Variants in SGPL1 observed in about 807,000 individuals in gnomAD.
The protein encoded by SGPL1 is SP-lyase 1.
SGPL1 carries 37 observed loss-of-function variants against 68.9 expected under a neutral mutation model. That is an observed-to-expected ratio of 0.54 (90% confidence interval 0.41 to 0.71). SGPL1 has a LOEUF of 0.71. SGPL1 is among the 30% of genes least tolerant of loss of function. The probability of loss-of-function intolerance (pLI) is 0.00; values close to 1 mark genes in which losing one functional copy is unlikely to be tolerated. For missense variants in SGPL1, 551 were observed against 704.6 expected, an observed-to-expected ratio of 0.78 and a Z score of 2.47; for synonymous variants, 236 against 248.5, an observed-to-expected ratio of 0.95 and a Z score of 0.47.
chr10:70,816,869 C>G lies in SGPL1; in HGVS notation c.16C>G (p.Leu6Val). The G allele has an allele frequency of 6.2e-7, 1 of 1,614,052 alleles. No homozygotes were observed. Among genetic ancestry groups the G allele is most frequent in the Non-Finnish European group, 8.5e-7 (1 of 1,179,960 alleles). The change falls in exon 2 of 15, where the codon CTT becomes GTT. Residue 6 changes from leucine to valine, a missense_variant. Coordinates refer to ENST00000373202, the MANE Select transcript of SGPL1 (RefSeq NM_003901.4). ...GAAGAGGAAGATGCCTAGCACAGAC[C>G]TTCTGATGTTGGTGAGCCTTTTGCA... MPSTD[L>V]LMLKAFEPYL...
chr10:70,851,292 C>T lies in SGPL1; in HGVS notation c.261+82C>T, dbSNP rs561410887. On this transcript the variant is annotated intron_variant, in intron 4 of 14. Coordinates refer to ENST00000373202, the MANE Select transcript of SGPL1 (RefSeq NM_003901.4). The stretch of plus-strand genomic sequence containing the variant: ...TTCTATTTACTAAACCTAATATTCT[C>T]AAAGTGGAGGGGTGATTTTGTCTCT... 8.8e-5 allele frequency: 106 copies of T among 1,201,236 alleles called. 1 individual carries two copies. In the African/African-American group the frequency reaches 1.4e-3, roughly 15 times the overall value. The allele number at this position is 1,201,236 out of a possible 1,614,324, so 74.4% of individuals were successfully genotyped here. A position where few individuals can be genotyped will look rare whatever the true frequency, so the allele number is the denominator to read the frequency against.
intron 2 of SGPL1, among the ~76,000 whole-genome samples, chr10:70,835,735 CAAA>C (rs66962270): frequency 1.3e-4 from 9 of 70,106 alleles, no homozygotes; most frequent in Admixed American, 3.2e-4. Flanking sequence ...GACTCCGTCT[CAAA>C]AAAAAAAAAA....
intron 4 of SGPL1, among the ~76,000 whole-genome samples, chr10:70,852,493 A>T (rs1474828519): frequency 6.6e-6 from 1 of 152,182 alleles, no homozygotes; most frequent in Non-Finnish European, 1.5e-5. Context: ...CACAAAGGAG[A>T]TTAGGATTTC....
In SGPL1 at chr10:70,866,170, C is replaced by G. The variant is rs149075576; in HGVS notation, c.616-2175C>G. On this transcript the variant is annotated intron_variant, in intron 7 of 14. Transcript: ENST00000373202. ...GGGAGGCTGAGGCAAGTGGATCGCT[C>G]GAGCCCAGGAATTCGAGACCAGCCT... 713 of 152,068 alleles carry G rather than the reference C, an allele frequency of 4.7e-3. 5 individuals are homozygous for G. The highest frequency in any genetic ancestry group is 0.02 in the South Asian group (94 of 4,800). 9.4% of individuals were successfully genotyped at this position (152,068 alleles called of 1,614,324 possible). A position where few individuals can be genotyped will look rare whatever the true frequency, so the allele number is the denominator to read the frequency against.
At chr10:70,828,860 T>C (rs887770327) in intron 2 of SGPL1, among the ~76,000 whole-genome samples, 2 of 152,214 alleles carry the variant, frequency 1.3e-5, no homozygotes, top group African/African-American at 2.4e-5. Flanking sequence ...AATAGATCAA[T>C]TCTGTATTGA....
intron 2 of SGPL1, among the ~76,000 whole-genome samples, chr10:70,837,184 T>G (rs1845639930): frequency 6.6e-6 from 1 of 151,838 alleles, no homozygotes; most frequent in Admixed American, 6.6e-5. Context: ...TTCAAGCGAT[T>G]CTCATGCTTC....
intron 2 of SGPL1, among the ~76,000 whole-genome samples, chr10:70,818,234 C>T (rs532093837): frequency 1.3e-5 from 2 of 152,292 alleles, no homozygotes; most frequent in South Asian, 2.1e-4. Flanking sequence ...GATTCTCCTG[C>T]CTCAGCCTCC....
intron 2 of SGPL1, among the ~76,000 whole-genome samples, chr10:70,825,947 C>T (rs146201659): frequency 0.011 from 1,725 of 152,182 alleles, 25 homozygotes; most frequent in African/African-American, 0.039. Flanking sequence ...TTTGGGAGGC[C>T]GAAATGGGCG....
At chr10:70,846,501 G>A (rs1212841765) in intron 3 of SGPL1, among the ~76,000 whole-genome samples, 1 of 151,984 alleles carries the variant, frequency 6.6e-6, no homozygotes, top group Non-Finnish European at 1.5e-5. Context: ...CAGTAAGTAC[G>A]TTCACATTAT....
chr10:70,862,342 A>G (rs1846083607), intron 7 of SGPL1, among the ~76,000 whole-genome samples: 1 of 152,002 alleles, frequency 6.6e-6, no homozygotes, highest in Admixed American at 6.5e-5. Context: ...AACTAATCTG[A>G]TGGGGACGTG....
chr10:70,877,418 A>G lies in SGPL1; in HGVS notation c.*83A>G, dbSNP rs1727738665. ...GGAACAGGCCGTGCACAACTTTGAC[A>G]TCTGGTCTTGCTCCATAGAGCACAA... On this transcript the variant is annotated 3_prime_UTR_variant, in exon 15 of 15. Coordinates refer to ENST00000373202, the MANE Select transcript of SGPL1 (RefSeq NM_003901.4). The G allele has an allele frequency of 7.1e-7, 1 of 1,400,504 alleles. No individual in the cohort carries two copies. The highest frequency in any genetic ancestry group is 1.4e-5 in the African/African-American group (1 of 70,716). 86.8% of individuals were successfully genotyped at this position (1,400,504 alleles called of 1,614,324 possible). A position where few individuals can be genotyped will look rare whatever the true frequency, so the allele number is the denominator to read the frequency against.
intron 2 of SGPL1, among the ~76,000 whole-genome samples, chr10:70,825,342 G>A (rs1845413857): frequency 6.6e-6 from 1 of 152,162 alleles, no homozygotes; most frequent in East Asian, 1.9e-4. Context: ...AATTCAGAGG[G>A]TGGAATCCGG....
At position 70,868,436 on chromosome 10, in the gene SGPL1, A is replaced by G. The variant is rs1458274771; in HGVS notation, c.704+3A>G. 3.7e-6 allele frequency: 6 copies of G among 1,611,234 alleles called. No individual in the cohort carries two copies. The highest frequency in any genetic ancestry group is 5.1e-6 in the Non-Finnish European group (6 of 1,177,474). On this transcript the variant is annotated splice_donor_region_variant and intron_variant, in intron 8 of 14. Transcript: ENST00000373202. Reference sequence around the variant, plus strand: ...AAGGGGATCAAAACTCCAGAAATGTATGTATGTGTGGCTGTTTTGTCCCCT... The same window carrying G: ...AAGGGGATCAAAACTCCAGAAATGTGTGTATGTGTGGCTGTTTTGTCCCCT...
chr10:70,818,618 G>T (rs1209525681), intron 2 of SGPL1, among the ~76,000 whole-genome samples: 1 of 152,176 alleles, frequency 6.6e-6, no homozygotes, highest in Non-Finnish European at 1.5e-5. Context: ...AAGGTCTGCA[G>T]GGGGGCTAAA....
intron 3 of SGPL1, among the ~76,000 whole-genome samples, chr10:70,846,675 C>T (rs185479855): frequency 1.3e-5 from 2 of 152,222 alleles, no homozygotes; most frequent in Admixed American, 1.3e-4. Flanking sequence ...AAAGGTGGTA[C>T]ATTTATGAAA....
intron 2 of SGPL1, among the ~76,000 whole-genome samples, chr10:70,820,808 G>A (rs1019579389): frequency 4.6e-5 from 7 of 151,910 alleles, no homozygotes; most frequent in Admixed American, 6.6e-5. Context: ...TTTCTTTTAC[G>A]TCGCATTTAA....
At chr10:70,853,797 G>T (rs999141059) in intron 4 of SGPL1, among the ~76,000 whole-genome samples, 4 of 152,156 alleles carry the variant, frequency 2.6e-5, no homozygotes, top group African/African-American at 7.2e-5. Flanking sequence ...TAATATTTTG[G>T]GGTCAGACAG....
rs181437601 is a variant in SGPL1, at chr10:70,848,930, C to T, written c.194-2213C>T. Among the ~76,000 whole-genome samples, 105 of 152,324 alleles carry T rather than the reference C, an allele frequency of 6.9e-4. No homozygotes were observed. In the Middle Eastern group the frequency reaches 0.014, roughly 20 times the overall value. ...CCATCTCCCAGTCTTCCTTCTTCCC[C>T]TTACTCTCAATCCCACTAAAAAATT... On this transcript the variant is annotated intron_variant, in intron 3 of 14. Coordinates refer to ENST00000373202, the MANE Select transcript of SGPL1 (RefSeq NM_003901.4).
chr10:70,860,581 CT>C (rs1213641340), intron 7 of SGPL1: 1 of 389,280 alleles, frequency 2.6e-6, no homozygotes, highest in African/African-American at 2.1e-5. Flanking sequence ...AACAGGGTGA[CT>C]TTCAGAGGGA....
Sources: allele counts gnomAD v4.1 joint callset (sites outside exome capture counted in the v4.1 genomes callset), GRCh38; gene constraint gnomAD v4.1.1; transcripts MANE v1.5; gene names NCBI Gene and HGNC (gene_info 2026-07-23, HGNC 2026-07-21).